MPRIP: variants seen among roughly 807,000 people sequenced by gnomAD.
MPRIP encodes the protein myosin phosphatase Rho interacting protein.
MPRIP carries 59 observed loss-of-function variants against 234.9 expected under a neutral mutation model. That is an observed-to-expected ratio of 0.25 (90% confidence interval 0.20 to 0.31). MPRIP has a LOEUF of 0.31. Ranked by LOEUF, MPRIP falls within the 10% of genes least tolerant of loss-of-function variation. MPRIP has a pLI of 1.00. For synonymous variants in MPRIP, 1,144 were observed against 1,263.9 expected (o/e 0.91, Z 2.01); for missense variants, 2,436 against 3,071.0 (o/e 0.79, Z 4.89).
At chr17:17,153,488 C>T (rs141725103) in intron 12 of MPRIP, among the ~76,000 whole-genome samples, 2 of 151,976 alleles carry the variant, frequency 1.3e-5, no homozygotes, top group East Asian at 2.0e-4. Context: ...TGCTCAGGGG[C>T]GCAGTGGTCA....
chr17:17,133,195 T>TA (rs1217952583), intron 5 of MPRIP, among the ~76,000 whole-genome samples: 20 of 152,302 alleles, frequency 1.3e-4, no homozygotes, highest in African/African-American at 4.6e-4. Flanking sequence ...GAGGGTCTCT[T>TA]AGAGTCTGGA....
Position 17,138,232 on chromosome 17 carries a change from G to A in MPRIP, c.1053G>A (p.Gly351=). 1.5e-6 allele frequency: 1 copy of A among 645,190 alleles called. No individual in the cohort carries two copies. Among genetic ancestry groups the A allele is most frequent in the South Asian group, 2.3e-5 (1 of 42,908 alleles). 40.0% of individuals were successfully genotyped at this position (645,190 alleles called of 1,614,324 possible). ...ACGTGGACTCTGGCAGCACTAGGGG[G>A]CGGGGGACAGAGAGACTGGGGAGCG... The part of the protein sequence containing the change: ...PAYVDSGSTR[G]RGTERLGSAF... Residue 351 remains glycine (G), a synonymous_variant, in exon 7 of 24, where the codon GGG becomes GGA. Transcript: ENST00000651222. The surrounding 1 kb of genome is among the most constrained non-coding windows in gnomAD (Gnocchi z 5.8).
At chr17:17,144,958 G>A (rs1205605324) in intron 9 of MPRIP, among the ~76,000 whole-genome samples, 3 of 152,242 alleles carry the variant, frequency 2.0e-5, no homozygotes, top group African/African-American at 7.2e-5. Flanking sequence ...AAGCTTGCAG[G>A]AGAGGACCTC....
intron 3 of MPRIP, among the ~76,000 whole-genome samples, chr17:17,110,001 A>G (rs1432069392): frequency 6.6e-6 from 1 of 152,162 alleles, no homozygotes; most frequent in Non-Finnish European, 1.5e-5. Flanking sequence ...TGTGTTCCCC[A>G]GTGTTGGAGG....
intron 1 of MPRIP, among the ~76,000 whole-genome samples, chr17:17,058,795 A>G (rs2088784767): frequency 6.6e-6 from 1 of 152,198 alleles, no homozygotes; most frequent in Admixed American, 6.5e-5. Context: ...GTTGGATAGA[A>G]AGGACTCTTG....
chr17:17,135,245 G>C (rs2090671780), intron 5 of MPRIP, among the ~76,000 whole-genome samples: 1 of 151,422 alleles, frequency 6.6e-6, no homozygotes, highest in South Asian at 2.1e-4. Flanking sequence ...GACTGCCTCT[G>C]CATCTGCCTA....
Position 17,164,679 on chromosome 17 carries a change from GAGA to G in MPRIP, c.3091_3093del (p.Lys1031del), listed in dbSNP as rs2045944006. On this transcript the variant is annotated inframe_deletion, in exon 16 of 24. Coordinates refer to ENST00000651222, the MANE Select transcript of MPRIP (RefSeq NM_001364716.4). ...CTATGAGCTGCTGCTGGAGAGCTGT[GAGA>G]AGGAGAAGCAGGCATTGCTGCAGAA... 7 of 1,263,210 alleles carry G rather than the reference GAGA, an allele frequency of 5.5e-6. No individual in the cohort carries two copies. Among genetic ancestry groups the G allele is most frequent in the Non-Finnish European group, 7.2e-6 (7 of 971,836 alleles). 78.3% of individuals were successfully genotyped at this position (1,263,210 alleles called of 1,614,324 possible). A position where few individuals can be genotyped will look rare whatever the true frequency, so the allele number is the denominator to read the frequency against.
In MPRIP at chr17:17,161,265, C is replaced by CTGG; in HGVS notation, c.2426_2427insTGG (p.Ser809_Asp810insGly). 6.2e-7 allele frequency: 1 copy of CTGG among 1,603,088 alleles called. No individual in the cohort carries two copies. The highest frequency in any genetic ancestry group is 1.3e-5 in the African/African-American group (1 of 74,914). ...CTGGAGCAGAGCCAGAAGGAGGCCT[C>CTGG]AGACCTTCTGGAGCAGAACCGGCTC... On this transcript the variant is annotated inframe_insertion, in exon 15 of 24. Coordinates refer to ENST00000651222, the MANE Select transcript of MPRIP (RefSeq NM_001364716.4).
intron 1 of MPRIP, among the ~76,000 whole-genome samples, chr17:17,060,424 G>T (rs186690239): frequency 9.8e-5 from 15 of 152,362 alleles, no homozygotes; most frequent in African/African-American, 3.6e-4. Flanking sequence ...AACTGGGGAG[G>T]AGTGTCCCAT....
At chr17:17,162,186 G>A (rs1464543282) in intron 15 of MPRIP, among the ~76,000 whole-genome samples, 1 of 152,192 alleles carries the variant, frequency 6.6e-6, no homozygotes, top group South Asian at 2.1e-4. Flanking sequence ...AAGGTCCTAG[G>A]TTCAAGACTT....
At chr17:17,072,594 CT>C (rs2089222905) in intron 1 of MPRIP, among the ~76,000 whole-genome samples, 1 of 152,126 alleles carries the variant, frequency 6.6e-6, no homozygotes, top group Non-Finnish European at 1.5e-5. Context: ...GGACTGTCCC[CT>C]TGAGGAAGGG....
chr17:17,129,283 C>G (rs972410749), intron 4 of MPRIP, among the ~76,000 whole-genome samples: 64 of 152,246 alleles, frequency 4.2e-4, no homozygotes, highest in African/African-American at 1.5e-3. Context: ...GCCTTTTAAC[C>G]TTACCCACTC....
chr17:17,136,549 C>T, intron 6 of MPRIP, 99 bp downstream of exon 6: 1 of 1,146,582 alleles, frequency 8.7e-7, no homozygotes, highest in Non-Finnish European at 1.2e-6. Context: ...AGCCCAGTCG[C>T]AAGCCTGGAC....
chr17:17,071,557 C>A (rs1161342547), intron 1 of MPRIP, among the ~76,000 whole-genome samples: 3 of 152,106 alleles, frequency 2.0e-5, no homozygotes, highest in African/African-American at 4.8e-5. Flanking sequence ...CTACATCTGC[C>A]CCATCGTCCA....
intron 3 of MPRIP, among the ~76,000 whole-genome samples, chr17:17,116,130 C>G (rs1459147625): frequency 6.6e-6 from 1 of 152,136 alleles, no homozygotes; most frequent in Non-Finnish European, 1.5e-5. Flanking sequence ...GAAATGTTTA[C>G]TGAAGCACAT....
chr17:17,168,550 ATCCCCG>A lies in MPRIP; in HGVS notation c.6324+636_6324+641del. On this transcript the variant is annotated intron_variant, in intron 16 of 23. Coordinates refer to ENST00000651222, the MANE Select transcript of MPRIP (RefSeq NM_001364716.4). ...TAGATTTTCCCCAGAACTGTCCTGCATCCCCGCCCCTGAGGTCCTGGAGCACAAAGG... is the reference window on the plus strand; with the variant it reads ...TAGATTTTCCCCAGAACTGTCCTGCACCCCTGAGGTCCTGGAGCACAAAGG... The A allele has an allele frequency of 2.1e-5, 7 of 336,458 alleles. 1 individual carries two copies. Among genetic ancestry groups the A allele is most frequent in the South Asian group, 1.6e-4 (7 of 43,254 alleles). The allele number at this position is 336,458 out of a possible 1,614,324, so 20.8% of individuals were successfully genotyped here.
At chr17:17,147,931 C>G (rs1462456371) in intron 11 of MPRIP, among the ~76,000 whole-genome samples, 2 of 152,136 alleles carry the variant, frequency 1.3e-5, no homozygotes, top group African/African-American at 4.8e-5. Context: ...ATAAAATAAC[C>G]TCTTCTAAAC....
chr17:17,099,315 C>G (rs1203245400), intron 3 of MPRIP, among the ~76,000 whole-genome samples: 1 of 152,182 alleles, frequency 6.6e-6, no homozygotes, highest in East Asian at 1.9e-4. Flanking sequence ...TGAGTTGCAT[C>G]TAAATTCACT....
chr17:17,064,640 A>G (rs1014641742), intron 1 of MPRIP, among the ~76,000 whole-genome samples: 3 of 152,212 alleles, frequency 2.0e-5, no homozygotes. Context: ...GAAGAAAATC[A>G]TACAACCTGG....
Sources: allele counts gnomAD v4.1 joint callset (sites outside exome capture counted in the v4.1 genomes callset), GRCh38; gene constraint gnomAD v4.1.1; non-coding constraint Gnocchi (gnomAD v3.1); transcripts MANE v1.5; gene names NCBI Gene and HGNC (gene_info 2026-07-23, HGNC 2026-07-21).